Variants in COQ8A observed in about 807,000 individuals in gnomAD.
COQ8A encodes the protein atypical kinase COQ8A, mitochondrial.
In COQ8A, 51 loss-of-function variants were observed where a neutral mutation model predicts 65.0. That is an observed-to-expected ratio of 0.78 (90% confidence interval 0.63 to 0.99). The LOEUF (loss-of-function observed/expected upper bound fraction) is 0.99. COQ8A is among the 50% of genes least tolerant of loss of function. The probability of loss-of-function intolerance (pLI) is 0.00; values close to 1 mark genes in which losing one functional copy is unlikely to be tolerated. For missense variants in COQ8A, 940 were observed against 875.0 expected (o/e 1.07, Z -0.94); for synonymous variants, 371 against 353.2 (o/e 1.05, Z -0.57).
rs139551241 is a variant in COQ8A, at chr1:226,986,590, C to A, written c.1797C>A (p.Leu599=). ...NLIPVMLRHR[L]VPPPEETYSL... is the part of the protein sequence containing the mutation. ...TTCCCGTCATGCTGAGGCACCGTCT[C>A]GTCCCCCCACCCGAGGAAACCTACT... is the stretch of plus-strand genomic sequence containing the variant. The change falls in exon 15 of 15, where the codon CTC becomes CTA. Residue 599 remains leucine (L), a synonymous_variant. Transcript: ENST00000366777. The A allele has an allele frequency of 6.2e-7, 1 of 1,613,770 alleles. No individual in the cohort carries two copies. The highest frequency in any genetic ancestry group is 1.3e-5 in the African/African-American group (1 of 74,830).
intron 5 of COQ8A, among the ~76,000 whole-genome samples, chr1:226,980,002 A>T (rs1444814940): frequency 6.6e-6 from 1 of 152,168 alleles, no homozygotes; most frequent in Non-Finnish European, 1.5e-5. Context: ...TTTGTCAGGG[A>T]CAGTGGTGAC....
rs142184584 is a variant in COQ8A, at chr1:226,961,447, C to T, written c.62C>T (p.Ala21Val). 182 of 1,613,788 alleles carry T rather than the reference C, an allele frequency of 1.1e-4. No individual in the cohort carries two copies. Among genetic ancestry groups the T allele is most frequent in the African/African-American group, 7.3e-4 (55 of 75,062 alleles). The stretch of plus-strand genomic sequence containing the variant: ...AAAGGCCTTGTCAAGCTGACCCAGG[C>T]GGCCGTGGAAACCCACCTGCAGCAC... ...VAKGLVKLTQ[A>V]AVETHLQHLG... is the part of the protein sequence containing the mutation. The change falls in exon 2 of 15, where the codon GCG becomes GTG. Residue 21 changes from alanine (A) to valine (V), a missense_variant. By Grantham distance (64) the Ala-to-Val change is moderately conservative. Coordinates refer to ENST00000366777, the MANE Select transcript of COQ8A (RefSeq NM_020247.5).
intron 1 of COQ8A, among the ~76,000 whole-genome samples, chr1:226,959,033 T>C (rs1657989360): frequency 6.6e-6 from 1 of 152,084 alleles, no homozygotes; most frequent in Non-Finnish European, 1.5e-5. Context: ...GCTGTGTGCC[T>C]GGTTCTTGGT....
intron 1 of COQ8A, 112 bp from the exon 2 acceptor site, chr1:226,961,265 T>C: frequency 8.5e-7 from 1 of 1,170,920 alleles, no homozygotes; most frequent in Non-Finnish European, 1.3e-6. Flanking sequence ...GGGAGATCAG[T>C]GGAAAAACCA....
At chr1:226,982,177 G>A (rs945300530) in intron 6 of COQ8A, 28 bp downstream of exon 6, 3 of 1,551,480 alleles carry the variant, frequency 1.9e-6, no homozygotes, top group Non-Finnish European at 2.6e-6. Flanking sequence ...CTGCTGCCCC[G>A]GGACTGCGTG....
chr1:226,976,502 C>T (rs1225890408), intron 4 of COQ8A, among the ~76,000 whole-genome samples: 2 of 152,100 alleles, frequency 1.3e-5, no homozygotes, highest in African/African-American at 2.4e-5. Context: ...ATCGTGCGGC[C>T]GCTCTGGTCT....
At chr1:226,973,553 A>T (rs892993926) in intron 4 of COQ8A, among the ~76,000 whole-genome samples, 7 of 152,172 alleles carry the variant, frequency 4.6e-5, no homozygotes, top group Admixed American at 1.3e-4. Context: ...CAGTTCTGGG[A>T]ACAGAGGGAC....
At chr1:226,974,037 T>C (rs1330597409) in intron 4 of COQ8A, among the ~76,000 whole-genome samples, 1 of 152,164 alleles carries the variant, frequency 6.6e-6, no homozygotes, top group African/African-American at 2.4e-5. Flanking sequence ...GGGCCCTGTT[T>C]GTTGGAAGTT....
At position 226,965,712 on chromosome 1, in the gene COQ8A, G is replaced by C; in HGVS notation, c.630G>C (p.Arg210Ser). The change falls in exon 4 of 15, where the codon AGG becomes AGC. Residue 210 changes from arginine (R) to serine (S), a missense_variant. Transcript: ENST00000366777. ...HARERKVPVT[R>S]IGRLANFGGL... ...GGGAGCGGAAGGTGCCTGTGACGAGGATTGGCCGGCTGGCCAACTTCGGAG... is the reference window on the plus strand; with the variant it reads ...GGGAGCGGAAGGTGCCTGTGACGAGCATTGGCCGGCTGGCCAACTTCGGAG... 3.1e-6 allele frequency: 5 copies of C among 1,614,018 alleles called. No homozygotes were observed. The highest frequency in any genetic ancestry group is 4.2e-6 in the Non-Finnish European group (5 of 1,180,048).
intron 1 of COQ8A, among the ~76,000 whole-genome samples, chr1:226,947,810 TA>T: frequency 6.6e-6 from 1 of 151,390 alleles, no homozygotes; most frequent in Admixed American, 6.6e-5. Flanking sequence ...AATATATATA[TA>T]TATATATCTA....
At position 226,983,827 on chromosome 1, in the gene COQ8A, G is replaced by T. The variant is rs763311061; in HGVS notation, c.1229G>T (p.Arg410Leu). Residue 410 changes from arginine to leucine, a missense_variant, in exon 10 of 15, where the codon CGA becomes CTA. Coordinates refer to ENST00000366777, the MANE Select transcript of COQ8A (RefSeq NM_020247.5). ...RELALECDYQREAACARKFRD... is the reference protein window; with the variant it reads ...RELALECDYQLEAACARKFRD... ...CTGGCCCTGGAGTGTGACTACCAGC[G>T]AGAGGCCGCCTGTGCCCGCAAGTTC... The T allele has an allele frequency of 3.1e-6, 5 of 1,611,610 alleles. No homozygotes were observed. Among genetic ancestry groups the T allele is most frequent in the Non-Finnish European group, 4.2e-6 (5 of 1,179,968 alleles).
At chr1:226,981,841 G>A (rs1309164573) in intron 5 of COQ8A, among the ~76,000 whole-genome samples, 186 bp from the exon 6 acceptor site, 2 of 152,218 alleles carry the variant, frequency 1.3e-5, no homozygotes, top group East Asian at 3.8e-4. Flanking sequence ...CTGGCGTAGG[G>A]CCTGGGCATG....
chr1:226,941,522 T>C (rs1424677836), intron 1 of COQ8A, among the ~76,000 whole-genome samples: 2 of 152,006 alleles, frequency 1.3e-5, no homozygotes, highest in Non-Finnish European at 2.9e-5. Flanking sequence ...ATCCCAGCAC[T>C]TTGGGAGTCC....
chr1:226,963,306 G>A (rs752705205), intron 2 of COQ8A, among the ~76,000 whole-genome samples: 7 of 152,240 alleles, frequency 4.6e-5, no homozygotes, highest in Non-Finnish European at 7.3e-5. Context: ...TCGCTTTTCC[G>A]TGTCTCCCTT....
intron 4 of COQ8A, among the ~76,000 whole-genome samples, chr1:226,967,323 G>A (rs1245539350): frequency 1.3e-5 from 2 of 152,098 alleles, no homozygotes; most frequent in African/African-American, 4.8e-5. Context: ...TTTTCACATC[G>A]GTACCTTTTC....
At chr1:226,965,529 T>C in intron 3 of COQ8A, 119 bp downstream of exon 3, 4 of 1,512,114 alleles carry the variant, frequency 2.6e-6, no homozygotes, top group Non-Finnish European at 3.6e-6. Flanking sequence ...AGGAGCGTGG[T>C]GGCCTTCTCT....
In COQ8A at chr1:226,975,986, G is replaced by C. The variant is rs138572740; in HGVS notation, c.656-1463G>C. Among the ~76,000 whole-genome samples, 897 of 152,176 alleles carry C rather than the reference G, an allele frequency of 5.9e-3. 9 individuals carry two copies. Among genetic ancestry groups the C allele is most frequent in the African/African-American group, 0.02 (842 of 41,490 alleles). On this transcript the variant is annotated intron_variant, in intron 4 of 14. Transcript: ENST00000366777. ...TGCAAGCAGATGCCAGTTTCCTTGC[G>C]CCTTAAACAGAGCGTCCTGGTGTGA...
intron 4 of COQ8A, among the ~76,000 whole-genome samples, chr1:226,966,131 G>A (rs1658556265): frequency 6.6e-6 from 1 of 152,062 alleles, no homozygotes; most frequent in Non-Finnish European, 1.5e-5. Flanking sequence ...CTTCCCTGGG[G>A]CTGTTCAGCA....
In COQ8A at chr1:226,984,667, G is replaced by C; in HGVS notation, c.1506+12G>C. The stretch of plus-strand genomic sequence containing the variant: ...CCCAGCAGCACAAGGTGAGCCCCAG[G>C]GTGGGGGCACCCGCAGCCAGGCCTG... On this transcript the variant is annotated intron_variant, in intron 12 of 14. Coordinates refer to ENST00000366777, the MANE Select transcript of COQ8A (RefSeq NM_020247.5). The C allele has an allele frequency of 6.2e-7, 1 of 1,610,966 alleles. No homozygotes were observed. The highest frequency in any genetic ancestry group is 8.5e-7 in the Non-Finnish European group (1 of 1,177,050).
Sources: gnomAD v4.1 joint callset for allele counts (sites outside exome capture counted in the v4.1 genomes callset) on GRCh38, gnomAD v4.1.1 for gene constraint, MANE v1.5 for transcripts, NCBI Gene and HGNC (gene_info 2026-07-23, HGNC 2026-07-21) for gene names.